Variants in SYCP2 observed in about 807,000 individuals in gnomAD.
SYCP2 encodes the protein synaptonemal complex lateral element protein.
In SYCP2, 55 loss-of-function variants were observed where a neutral mutation model predicts 211.3. The observed-to-expected ratio is 0.26, with a 90% CI of 0.21 to 0.33. SYCP2 has a LOEUF of 0.33. SYCP2 is among the 10% of genes least tolerant of loss of function. The pLI is 1.00. For synonymous variants in SYCP2, 570 were observed against 555.2 expected, an observed-to-expected ratio of 1.03 and a Z score of -0.37; for missense variants, 1,731 against 1,752.0, an observed-to-expected ratio of 0.99 and a Z score of 0.21.
intron 36 of SYCP2, 53 bp downstream of exon 36, chr20:59,869,745 A>C (rs931711883): frequency 9.3e-7 from 1 of 1,070,836 alleles, no homozygotes; most frequent in Non-Finnish European, 1.4e-6. Context: ...TCTGAGTCTT[A>C]TAAGAACCAT....
chr20:59,896,930 T>C (rs1040374087), intron 18 of SYCP2, among the ~76,000 whole-genome samples: 10 of 152,198 alleles, frequency 6.6e-5, no homozygotes, highest in African/African-American at 2.4e-4. Context: ...TGCTTTCATG[T>C]TAAGCTTTCT....
intron 18 of SYCP2, among the ~76,000 whole-genome samples, chr20:59,899,105 T>C (rs977415317): frequency 1.3e-5 from 2 of 152,144 alleles, no homozygotes; most frequent in African/African-American, 4.8e-5. Flanking sequence ...AAAACAGTGG[T>C]GACAAAGTCC....
intron 44 of SYCP2, among the ~76,000 whole-genome samples, chr20:59,864,965 A>T (rs1306367981): frequency 1.3e-5 from 2 of 151,984 alleles, no homozygotes; most frequent in African/African-American, 4.8e-5. Flanking sequence ...TGGAAAGTAA[A>T]CTAATTTAAT....
At chr20:59,911,598 G>A in intron 14 of SYCP2, 152 bp downstream of exon 14, 1 of 390,934 alleles carries the variant, frequency 2.6e-6, no homozygotes, top group Non-Finnish European at 4.7e-6. Flanking sequence ...AATTAGCTTG[G>A]TAGGTTGCTA....
rs764549243 is a variant in SYCP2 at position 59,868,881 on chromosome 20, T to C, written c.3786A>G (p.Arg1262=). 1 of 1,610,256 alleles carries C rather than the reference T, an allele frequency of 6.2e-7. No individual in the cohort carries two copies. Among genetic ancestry groups the C allele is most frequent in the Non-Finnish European group, 8.5e-7 (1 of 1,177,776 alleles). ...ASSLSKSSEG[R]EKTWFDMPCD... ...AGGGCATGTCAAACCACGTTTTCTC[T>C]CTTCCTTCACTAGACTTGGATAATG... Residue 1262 remains arginine (R), a synonymous_variant, in exon 37 of 45, where the codon AGA becomes AGG. Coordinates refer to ENST00000357552, the MANE Select transcript of SYCP2 (RefSeq NM_014258.4).
Position 59,870,195 on chromosome 20 carries a change from C to T in SYCP2, c.3556-212G>A, listed in dbSNP as rs550681861. The stretch of plus-strand genomic sequence containing the variant: ...ATGACCAAAACCTGTAGATAAGGAT[C>T]CCTGCTAGTACAGTTTCTATGCTCC... On this transcript the variant is annotated intron_variant, in intron 35 of 44. Transcript: ENST00000357552. Among the ~76,000 whole-genome samples, 166 of 151,810 alleles carry T rather than the reference C, an allele frequency of 1.1e-3. 1 individual carries two copies. The highest frequency in any genetic ancestry group is 6.2e-4 in the South Asian group (3 of 4,818).
intron 2 of SYCP2, among the ~76,000 whole-genome samples, chr20:59,924,939 A>T (rs2060607822): frequency 1.3e-5 from 2 of 152,110 alleles, no homozygotes; most frequent in East Asian, 3.9e-4. Context: ...GTTCAACTGG[A>T]TGTTCATAAG....
chr20:59,876,369 CAAAAAAAAAAAAAAAAAAAAAAAA>C lies in SYCP2; in HGVS notation c.3151-924_3151-901del, dbSNP rs765782164. On this transcript the variant is annotated intron_variant, in intron 33 of 44. Coordinates refer to ENST00000357552, the MANE Select transcript of SYCP2 (RefSeq NM_014258.4). ...CTGGTGACAAAGCGAGGCTGTGTCT[CAAAAAAAAAAAAAAAAAAAAAAAA>C]AAAAAAAAAAAAAAAAAAGAAGAAG... Among the ~76,000 whole-genome samples the C allele has an allele frequency of 2.1e-3, 48 of 23,094 alleles. No individual in the cohort carries two copies. In the South Asian group the frequency reaches 0.033, roughly 16 times the overall value. The allele number at this position is 23,094 out of a possible 152,430, so 15.2% of individuals were successfully genotyped here.
chr20:59,900,718 A>G, intron 17 of SYCP2, 26 bp downstream of exon 17: 1 of 1,596,450 alleles, frequency 6.3e-7, no homozygotes, highest in Non-Finnish European at 8.6e-7. Context: ...GCCCAGTGAT[A>G]AAAATCAAGT....
At chr20:59,929,944 G>T (rs6100655) in intron 2 of SYCP2, among the ~76,000 whole-genome samples, 2 of 152,048 alleles carry the variant, frequency 1.3e-5, no homozygotes, top group Non-Finnish European at 1.5e-5. Flanking sequence ...TGTTTCCTAA[G>T]GTTCAACATA....
At position 59,895,595 on chromosome 20, in the gene SYCP2, T is replaced by C. The variant is rs776379463; in HGVS notation, c.1507A>G (p.Ile503Val). The change falls in exon 20 of 45, where the codon ATA becomes GTA. Residue 503 changes from isoleucine (I) to valine (V), a missense_variant and splice_region_variant. Physicochemically the swap from Ile to Val is conservative, Grantham distance 29 (BLOSUM62 3). Coordinates refer to ENST00000357552, the MANE Select transcript of SYCP2 (RefSeq NM_014258.4). ...RSPVLFSNTS[I>V]PPRRRRIKPP... is the part of the protein sequence containing the mutation. ...TTAATTCTTCTTCTTCGTGGTGGTATTGCTAAAAAGGAGGACAAGGATTGC... is the reference window on the plus strand; with the variant it reads ...TTAATTCTTCTTCTTCGTGGTGGTACTGCTAAAAAGGAGGACAAGGATTGC... The C allele has an allele frequency of 4.3e-6, 7 of 1,612,854 alleles. No homozygotes were observed. In the South Asian group the frequency reaches 6.6e-5, roughly 15 times the overall value.
intron 15 of SYCP2, among the ~76,000 whole-genome samples, chr20:59,906,218 A>C (rs2060210801): frequency 6.6e-6 from 1 of 152,164 alleles, no homozygotes; most frequent in Non-Finnish European, 1.5e-5. Context: ...TTTATATAGA[A>C]GCTCAAAAGG....
In SYCP2 at chr20:59,900,579, CATT is replaced by C. The variant is rs371078110; in HGVS notation, c.1257+162_1257+164del. On this transcript the variant is annotated intron_variant, in intron 17 of 44. Coordinates refer to ENST00000357552, the MANE Select transcript of SYCP2 (RefSeq NM_014258.4). ...ACCCTACTCTTTACACTAAAATTAT[CATT>C]AATAACATGTTTAAACATCATATAC... Among the ~76,000 whole-genome samples the C allele has an allele frequency of 5.7e-4, 86 of 152,144 alleles. 1 individual carries two copies. The South Asian group carries it at 0.017, about 30-fold the overall frequency.
chr20:59,902,684 C>T (rs907783177), intron 15 of SYCP2, among the ~76,000 whole-genome samples: 1 of 152,036 alleles, frequency 6.6e-6, no homozygotes, highest in African/African-American at 2.4e-5. Flanking sequence ...ATGAGGCCTG[C>T]CCAAGCAGAA....
chr20:59,877,311 G>T, intron 33 of SYCP2, 74 bp downstream of exon 33: 1 of 1,021,504 alleles, frequency 9.8e-7, no homozygotes, highest in Non-Finnish European at 1.3e-6. Context: ...GGATAAATTT[G>T]ACATTTTTTA....
At chr20:59,883,786 G>C (rs920941053) in intron 26 of SYCP2, among the ~76,000 whole-genome samples, 1 of 151,980 alleles carries the variant, frequency 6.6e-6, no homozygotes, top group Non-Finnish European at 1.5e-5. Flanking sequence ...TGCAGAACAT[G>C]AGGACTATTA....
chr20:59,878,850 G>GTC (rs2059610438), intron 31 of SYCP2, among the ~76,000 whole-genome samples: 3 of 152,004 alleles, frequency 2.0e-5, no homozygotes, highest in African/African-American at 7.2e-5. Flanking sequence ...TTTCCAAATA[G>GTC]TCTCTGAAAC....
In SYCP2 at chr20:59,914,142, T is replaced by A. The variant is rs1159951529; in HGVS notation, c.744A>T (p.Ala248=). The A allele has an allele frequency of 9.3e-6, 15 of 1,604,976 alleles. No individual in the cohort carries two copies. The highest frequency in any genetic ancestry group is 1.1e-5 in the Non-Finnish European group (13 of 1,174,488). ...QWFSMDFIAK[A]FKRIKDSEFE... is the part of the protein sequence containing the mutation. ...ATTCAGAGTCCTTAATTCTTTTAAATGCCTTAGCAATAAAATCCATTGAAA... is the reference window on the plus strand; with the variant it reads ...ATTCAGAGTCCTTAATTCTTTTAAAAGCCTTAGCAATAAAATCCATTGAAA... The change falls in exon 11 of 45, where the codon GCA becomes GCT. Residue 248 remains alanine (A), a synonymous_variant. Transcript: ENST00000357552.
At chr20:59,871,701 T>C (rs1256688310) in intron 35 of SYCP2, among the ~76,000 whole-genome samples, 9 of 151,970 alleles carry the variant, frequency 5.9e-5, no homozygotes, top group Non-Finnish European at 1.2e-4. Flanking sequence ...GTTCAGTATT[T>C]GCATATAACC....
Sources: gnomAD v4.1 joint callset for allele counts (sites outside exome capture counted in the v4.1 genomes callset) on GRCh38, gnomAD v4.1.1 for gene constraint, MANE v1.5 for transcripts, NCBI Gene and HGNC (gene_info 2026-07-23, HGNC 2026-07-21) for gene names.